Variants in TC2N observed in about 807,000 individuals in gnomAD.
The protein encoded by TC2N is tandem C2 domains nuclear protein.
Under a neutral mutation model 61.9 loss-of-function variants are expected in TC2N, and 51 were observed. The observed-to-expected ratio is 0.82, with a 90% CI of 0.66 to 1.04. TC2N has a LOEUF of 1.04. Among genes scored for constraint, TC2N ranks in the 50% least tolerant of loss-of-function variants. The pLI is 0.00. For missense variants in TC2N, 556 were observed against 566.7 expected, an observed-to-expected ratio of 0.98 and a Z score of 0.19; for synonymous variants, 204 against 192.6, an observed-to-expected ratio of 1.06 and a Z score of -0.49.
At chr14:91,821,078 A>G (rs1347733500) in intron 1 of TC2N, among the ~76,000 whole-genome samples, 1 of 152,050 alleles carries the variant, frequency 6.6e-6, no homozygotes, top group Non-Finnish European at 1.5e-5. Flanking sequence ...ATTCAACACA[A>G]TCTCTACCAA....
At chr14:91,842,381 C>G (rs998693904) in intron 1 of TC2N, among the ~76,000 whole-genome samples, 12 of 152,242 alleles carry the variant, frequency 7.9e-5, no homozygotes, top group African/African-American at 2.9e-4. Context: ...AGTGGTCTCC[C>G]CATGAGAGGG....
chr14:91,787,596 C>T lies in TC2N; in HGVS notation c.1079G>A (p.Cys360Tyr). 2 of 1,611,798 alleles carry T rather than the reference C, an allele frequency of 1.2e-6. No homozygotes were observed. Among genetic ancestry groups the T allele is most frequent in the Non-Finnish European group, 1.7e-6 (2 of 1,178,984 alleles). ...VCHAELELGT[C>Y]FQAVNSRIQL... The stretch of plus-strand genomic sequence containing the variant: ...AATTCTGCTATTTACTGCTTGAAAA[C>T]AAGTCCCCAATTCAAGTTCTGCATG... Residue 360 changes from cysteine (C) to tyrosine (Y), a missense_variant, in exon 10 of 12, where the codon TGT (cysteine) becomes TAT (tyrosine). Cys to Tyr is a radical substitution (Grantham distance 194). Coordinates refer to ENST00000435962, the MANE Select transcript of TC2N (RefSeq NM_001128596.3).
intron 1 of TC2N, among the ~76,000 whole-genome samples, chr14:91,852,198 C>T (rs143770218): frequency 0.016 from 2,418 of 152,156 alleles, 30 homozygotes; most frequent in Non-Finnish European, 0.025. Context: ...GAGGCCGAGG[C>T]GGGCAGATCA....
At chr14:91,864,970 G>A (rs1184322783) in intron 1 of TC2N, among the ~76,000 whole-genome samples, 5 of 151,796 alleles carry the variant, frequency 3.3e-5, no homozygotes, top group African/African-American at 9.7e-5. Flanking sequence ...TAGTAGAGAC[G>A]GGTTTCACCA....
intron 8 of TC2N, 49 bp downstream of exon 8, chr14:91,797,736 T>TA (rs71120197): frequency 3.6e-3 from 3,198 of 881,228 alleles, no homozygotes; most frequent in African/African-American, 9.9e-3. Context: ...GTGACAAATA[T>TA]AAAAAAAAAA....
chr14:91,850,026 G>A (rs1888342402), intron 1 of TC2N, among the ~76,000 whole-genome samples: 1 of 148,434 alleles, frequency 6.7e-6, no homozygotes, highest in Admixed American at 6.8e-5. Flanking sequence ...GCCAGCCTGG[G>A]CAACAAGAGT....
chr14:91,810,438 T>A (rs913947400), intron 3 of TC2N, among the ~76,000 whole-genome samples: 1 of 152,060 alleles, frequency 6.6e-6, no homozygotes, highest in Non-Finnish European at 1.5e-5. Flanking sequence ...AGGAACCTTT[T>A]CAGAAGAATG....
intron 1 of TC2N, among the ~76,000 whole-genome samples, chr14:91,862,054 T>C (rs937324989): frequency 6.6e-6 from 1 of 151,408 alleles, no homozygotes; most frequent in Non-Finnish European, 1.5e-5. Context: ...ATTTAAATTA[T>C]AGGCTGGGCA....
At position 91,782,647 on chromosome 14, in the gene TC2N, A is replaced by C. The variant is rs1352433464; in HGVS notation, c.*453T>G. 6.6e-6 allele frequency: 1 copy of C among 152,370 alleles called. No individual in the cohort carries two copies. Among genetic ancestry groups the C allele is most frequent in the Non-Finnish European group, 1.5e-5 (1 of 68,164 alleles). 9.4% of individuals were successfully genotyped at this position (152,370 alleles called of 1,614,324 possible). A position where few individuals can be genotyped will look rare whatever the true frequency, so the allele number is the denominator to read the frequency against. On this transcript the variant is annotated 3_prime_UTR_variant, in exon 12 of 12. Transcript: ENST00000435962. ...CGGGAGAAAATACATAGCAAGAGGT[A>C]AACAGTGGAGCCAAGACCTAATCAA...
rs1384068111 is a variant in TC2N at position 91,781,000 on chromosome 14, T to G, written c.*2100A>C. The G allele has an allele frequency of 6.6e-6, 1 of 152,104 alleles. No individual in the cohort carries two copies. The highest frequency in any genetic ancestry group is 1.9e-4 in the East Asian group (1 of 5,196). The allele number at this position is 152,104 out of a possible 1,614,324, so 9.4% of individuals were successfully genotyped here. On this transcript the variant is annotated 3_prime_UTR_variant, in exon 12 of 12. Transcript: ENST00000435962. ...TTTTTATTGTTTTATTTACCTAGGA[T>G]TCTAAGAAACTGAGAAGTCATAGCT...
chr14:91,850,607 G>C (rs190472281), intron 1 of TC2N, among the ~76,000 whole-genome samples: 3 of 152,190 alleles, frequency 2.0e-5, no homozygotes, highest in African/African-American at 7.2e-5. Context: ...AACTGCGCAC[G>C]TGAGGGATCT....
chr14:91,798,386 T>C lies in TC2N; in HGVS notation c.651A>G (p.Leu217=), dbSNP rs550455859. The C allele has an allele frequency of 6.4e-6, 10 of 1,559,116 alleles. No homozygotes were observed. In the South Asian group the frequency reaches 1.0e-4, roughly 16 times the overall value. The change falls in exon 7 of 12, where the codon CTA becomes CTG. Residue 217 remains leucine (L), a synonymous_variant. Coordinates refer to ENST00000435962, the MANE Select transcript of TC2N (RefSeq NM_001128596.3). ...TCCCAAAGTCCCTTTCATCTCCTGA[T>C]AGAGTAATTGTATCTGAATTATAAA... ...GSNRSLDTIT[L]SGDERDFGRL...
intron 6 of TC2N, among the ~76,000 whole-genome samples, 155 bp from the exon 7 acceptor site, chr14:91,798,554 A>G: frequency 6.6e-6 from 1 of 152,028 alleles, no homozygotes; most frequent in Non-Finnish European, 1.5e-5. Flanking sequence ...ACACTTTAAT[A>G]TATTTATTGA....
chr14:91,804,221 C>T (rs7150738), intron 3 of TC2N, among the ~76,000 whole-genome samples: 10,239 of 152,046 alleles, frequency 0.067, 984 homozygotes, highest in African/African-American at 0.21. Context: ...GGAATGTAAA[C>T]GATCATACTC....
chr14:91,833,754 A>T (rs77772424), intron 1 of TC2N, among the ~76,000 whole-genome samples: 3,963 of 152,272 alleles, frequency 0.026, 181 homozygotes, highest in African/African-American at 0.091. Flanking sequence ...AATGCCAAAA[A>T]GTTTTCCAAA....
intron 1 of TC2N, among the ~76,000 whole-genome samples, chr14:91,829,736 T>C (rs1254378643): frequency 6.6e-6 from 1 of 152,182 alleles, no homozygotes; most frequent in Non-Finnish European, 1.5e-5. Flanking sequence ...CTTGTACAGC[T>C]GGTTATCTTT....
At chr14:91,850,049 C>CA (rs34245812) in intron 1 of TC2N, among the ~76,000 whole-genome samples, 4,229 of 118,082 alleles carry the variant, frequency 0.036, 105 homozygotes, top group African/African-American at 0.071. Flanking sequence ...AACTCCATCT[C>CA]AAAAAAAAAA....
chr14:91,800,392 A>C lies in TC2N; in HGVS notation c.470-20T>G. 1.4e-6 allele frequency: 2 copies of C among 1,421,844 alleles called. No homozygotes were observed. The highest frequency in any genetic ancestry group is 2.0e-6 in the Non-Finnish European group (2 of 1,024,652). The allele number at this position is 1,421,844 out of a possible 1,614,324, so 88.1% of individuals were successfully genotyped here. On this transcript the variant is annotated intron_variant, in intron 4 of 11. Coordinates refer to ENST00000435962, the MANE Select transcript of TC2N (RefSeq NM_001128596.3). ...CACAAACTACAAAGGGATATGAGAA[A>C]AGTATATATTTTTAAGAAACACTGG...
At chr14:91,845,985 CT>C (rs1300220051) in intron 1 of TC2N, among the ~76,000 whole-genome samples, 1 of 152,226 alleles carries the variant, frequency 6.6e-6, no homozygotes, top group Non-Finnish European at 1.5e-5. Flanking sequence ...GTACAAATTG[CT>C]GGCTAGTCTA....
Sources: gnomAD v4.1 joint callset for allele counts (sites outside exome capture counted in the v4.1 genomes callset) on GRCh38, gnomAD v4.1.1 for gene constraint, MANE v1.5 for transcripts, NCBI Gene and HGNC (gene_info 2026-07-23, HGNC 2026-07-21) for gene names.